Variants in PARG observed in about 807,000 individuals in gnomAD.
PARG encodes poly(ADP-ribose) glycohydrolase.
PARG carries 35 observed loss-of-function variants against 113.0 expected under a neutral mutation model. The ratio of observed to expected loss-of-function variants is 0.31; its 90% confidence interval spans 0.24 to 0.41. PARG has a LOEUF of 0.41. Ranked by LOEUF, PARG falls within the 10% of genes least tolerant of loss-of-function variation. PARG has a pLI of 1.00. For synonymous variants in PARG, 330 were observed against 409.9 expected, an observed-to-expected ratio of 0.81 and a Z score of 2.36; for missense variants, 797 against 1,169.4, an observed-to-expected ratio of 0.68 and a Z score of 4.64.
intron 7 of PARG, among the ~76,000 whole-genome samples, chr10:49,892,378 GGTGT>G (rs1343280851): frequency 6.6e-6 from 1 of 151,964 alleles, no homozygotes; most frequent in African/African-American, 2.4e-5. Context: ...TGAGAACTTA[GGTGT>G]GTGTGCATAT....
intron 7 of PARG, among the ~76,000 whole-genome samples, chr10:49,903,148 G>T (rs1848422654): frequency 6.6e-6 from 1 of 152,032 alleles, no homozygotes; most frequent in Non-Finnish European, 1.5e-5. Flanking sequence ...TACTTAGGTA[G>T]CTGTGGTGGT....
intron 11 of PARG, among the ~76,000 whole-genome samples, chr10:49,863,816 T>C (rs1846364459): frequency 6.6e-6 from 1 of 150,960 alleles, no homozygotes; most frequent in Non-Finnish European, 1.5e-5. Context: ...TGAATGGGAG[T>C]ATGTTAAGAG....
At position 49,819,439 on chromosome 10, in the gene PARG, G is replaced by A; in HGVS notation, c.2832C>T (p.Ser944=). Residue 944 remains serine (S), a synonymous_variant, in exon 18 of 18, where the codon TCC becomes TCT. Transcript: ENST00000616448. ...RYYNEECRNC[S]TPGPDIKLYP... ...AAAGCTTGATGTCTGGTCCAGGGGT[G>A]GAACAGTTTCTGCATTCTTCATTGT... 1 of 1,551,064 alleles carries A rather than the reference G, an allele frequency of 6.4e-7. No homozygotes were observed. Among genetic ancestry groups the A allele is most frequent in the Non-Finnish European group, 8.7e-7 (1 of 1,146,470 alleles).
At chr10:49,938,364 C>T (rs1423861433) in intron 1 of PARG, among the ~76,000 whole-genome samples, 3 of 152,076 alleles carry the variant, frequency 2.0e-5, no homozygotes, top group African/African-American at 7.2e-5. Context: ...TTTGACTTCA[C>T]ACCATTTACA....
chr10:49,826,698 T>C lies in PARG; in HGVS notation c.2647+6105A>G, dbSNP rs112965969. On this transcript the variant is annotated intron_variant, in intron 16 of 17. Transcript: ENST00000616448. The stretch of plus-strand genomic sequence containing the variant: ...CCTTTAAATCTCATTAGTGGATGTG[T>C]CTTGTGTTTCTTGATCCCTGGCTAT... Among the ~76,000 whole-genome samples, 219 of 152,354 alleles carry C rather than the reference T, an allele frequency of 1.4e-3. 3 individuals carry two copies. The highest frequency in any genetic ancestry group is 5.1e-3 in the African/African-American group (211 of 41,578).
At chr10:49,894,392 T>C (rs1208148568) in intron 7 of PARG, among the ~76,000 whole-genome samples, 1 of 152,042 alleles carries the variant, frequency 6.6e-6, no homozygotes, top group African/African-American at 2.4e-5. Flanking sequence ...TCACAAGTAT[T>C]TATAAGTTTT....
intron 7 of PARG, among the ~76,000 whole-genome samples, chr10:49,915,031 G>A (rs1409593951): frequency 6.6e-6 from 1 of 152,022 alleles, no homozygotes. Context: ...CATAGTGTAA[G>A]AGCTAAAGCT....
rs1194034054 is a variant in PARG, at chr10:49,829,166, G to A, written c.2647+3637C>T. Among the ~76,000 whole-genome samples, 3 of 152,118 alleles carry A rather than the reference G, an allele frequency of 2.0e-5. No individual in the cohort carries two copies. In the East Asian group the frequency reaches 5.8e-4, roughly 29 times the overall value. On this transcript the variant is annotated intron_variant, in intron 16 of 17. Coordinates refer to ENST00000616448, the MANE Select transcript of PARG (RefSeq NM_003631.5). ...GAGGAGAATTGCTTGAACTCAGGAG[G>A]TGGAGGTTGCAGTGAGTCGAGATAG...
At chr10:49,820,734 A>G (rs1844033149) in intron 16 of PARG, among the ~76,000 whole-genome samples, 2 of 151,650 alleles carry the variant, frequency 1.3e-5, no homozygotes, top group Admixed American at 1.3e-4. Context: ...AAAAAAAAAA[A>G]AAAGAAATGG....
intron 9 of PARG, among the ~76,000 whole-genome samples, chr10:49,877,771 A>G (rs1847015297): frequency 8.5e-6 from 1 of 117,538 alleles, no homozygotes; most frequent in Non-Finnish European, 1.8e-5. Flanking sequence ...AACGGGGGAA[A>G]AGGGATAGCT....
chr10:49,897,001 TC>T (rs572935588), intron 7 of PARG, among the ~76,000 whole-genome samples: 124 of 152,334 alleles, frequency 8.1e-4, no homozygotes, highest in Non-Finnish European at 1.4e-3. Flanking sequence ...TAAAATAGTC[TC>T]CCCTGTCTGT....
intron 7 of PARG, among the ~76,000 whole-genome samples, chr10:49,898,167 C>T (rs1848185297): frequency 6.6e-6 from 1 of 152,220 alleles, no homozygotes; most frequent in Non-Finnish European, 1.5e-5. Context: ...TTCTTTATTT[C>T]CTCATCCATA....
chr10:49,939,746 T>A (rs1334768182), intron 1 of PARG, among the ~76,000 whole-genome samples: 1 of 152,260 alleles, frequency 6.6e-6, no homozygotes, highest in Non-Finnish European at 1.5e-5. Flanking sequence ...TTATTTCCTC[T>A]GCATGTATAA....
chr10:49,906,159 T>TTTTTTTTC (rs4012651), intron 7 of PARG, among the ~76,000 whole-genome samples: 19,560 of 139,556 alleles, frequency 0.14, 1,621 homozygotes, highest in Non-Finnish European at 0.21. Flanking sequence ...TTTTTTTTTT[T>TTTTTTTTC]CCCAGTAGAA....
intron 16 of PARG, among the ~76,000 whole-genome samples, chr10:49,825,841 A>G (rs1844328873): frequency 6.6e-6 from 1 of 152,204 alleles, no homozygotes; most frequent in African/African-American, 2.4e-5. Context: ...ATAGTTAAAA[A>G]AATTCCTAAA....
At chr10:49,883,626 C>A (rs1847317438) in intron 8 of PARG, among the ~76,000 whole-genome samples, 1 of 150,634 alleles carries the variant, frequency 6.6e-6, no homozygotes, top group Admixed American at 6.6e-5. Flanking sequence ...TGGTGAAACT[C>A]CGTCTCTGCT....
Position 49,819,456 on chromosome 10 carries a change from C to T in PARG, c.2815G>A (p.Glu939Lys), listed in dbSNP as rs1843959321. The change falls in exon 18 of 18, where the codon GAA becomes AAA. Residue 939 changes from glutamate (E) to lysine (K), a missense_variant. Physicochemically the swap from Glu to Lys is moderately conservative, Grantham distance 56. This residue lies in a region of PARG where 194 missense variants were observed against 247.1 expected (regional missense o/e 0.79). Transcript: ENST00000616448. Reference protein sequence around the residue: ...YKLLLRYYNEECRNCSTPGPD... With the variant: ...YKLLLRYYNEKCRNCSTPGPD... Reference sequence around the variant, plus strand: ...CCAGGGGTGGAACAGTTTCTGCATTCTTCATTGTAGTATCGTAGCAACAGC... The same window carrying T: ...CCAGGGGTGGAACAGTTTCTGCATTTTTCATTGTAGTATCGTAGCAACAGC... 3 of 1,551,258 alleles carry T rather than the reference C, an allele frequency of 1.9e-6. No homozygotes were observed. Among genetic ancestry groups the T allele is most frequent in the Admixed American group, 3.9e-5 (2 of 50,980 alleles).
intron 7 of PARG, among the ~76,000 whole-genome samples, chr10:49,896,653 A>C (rs1476079506): frequency 1.3e-5 from 2 of 152,140 alleles, no homozygotes; most frequent in Non-Finnish European, 2.9e-5. Context: ...TTATCACAAT[A>C]ATCATACAGC....
chr10:49,824,157 C>T (rs1554829110), intron 16 of PARG, among the ~76,000 whole-genome samples: 2 of 152,154 alleles, frequency 1.3e-5, no homozygotes, highest in African/African-American at 4.8e-5. Flanking sequence ...TGTTTTCCCT[C>T]CATTGAATGC....
Sources: gnomAD v4.1 joint callset for allele counts (sites outside exome capture counted in the v4.1 genomes callset) on GRCh38, gnomAD v4.1.1 for gene constraint, gnomAD v4.1.1 regional missense constraint, MANE v1.5 for transcripts, NCBI Gene and HGNC (gene_info 2026-07-23, HGNC 2026-07-21) for gene names.